DNMBP: variants seen among roughly 807,000 people sequenced by gnomAD.
The protein encoded by DNMBP is dynamin binding protein.
DNMBP carries 87 observed loss-of-function variants against 150.0 expected under a neutral mutation model. That is an observed-to-expected ratio of 0.58 (90% CI 0.49 to 0.69). The LOEUF (loss-of-function observed/expected upper bound fraction) is 0.69. DNMBP is among the 30% of genes least tolerant of loss of function. The pLI is 0.00. For missense variants in DNMBP, 1,774 were observed against 1,949.0 expected (o/e 0.91, Z 1.69); for synonymous variants, 711 against 750.4 (o/e 0.95, Z 0.86).
chr10:99,997,849 A>C (rs1405803680), intron 1 of DNMBP, among the ~76,000 whole-genome samples: 2 of 146,212 alleles, frequency 1.4e-5, no homozygotes, highest in African/African-American at 5.1e-5. Context: ...AATCGCTTGA[A>C]TCCAGGAGGC....
chr10:99,969,425 C>G (rs76104036), intron 2 of DNMBP, among the ~76,000 whole-genome samples, 188 bp from the exon 3 acceptor site: 1 of 152,264 alleles, frequency 6.6e-6, no homozygotes. Flanking sequence ...GCAGGACAGA[C>G]AGAATGCAAT....
At chr10:99,996,228 T>G (rs1054625351) in intron 1 of DNMBP, among the ~76,000 whole-genome samples, 1 of 152,306 alleles carries the variant, frequency 6.6e-6, no homozygotes, top group African/African-American at 2.4e-5. Flanking sequence ...GTTGGTAAAA[T>G]TCAACCCAAA....
At chr10:99,969,011 T>C in intron 3 of DNMBP, 104 bp downstream of exon 3, 6 of 1,384,580 alleles carry the variant, frequency 4.3e-6, no homozygotes, top group Non-Finnish European at 6.0e-6. Flanking sequence ...GAGGACTCTC[T>C]AGAGGTTAAG....
At chr10:99,896,127 A>ACC (rs1360446729) in intron 10 of DNMBP, 140 bp downstream of exon 10, 3 of 864,654 alleles carry the variant, frequency 3.5e-6, no homozygotes, top group African/African-American at 1.7e-5. Flanking sequence ...CAGCAGCTGG[A>ACC]GGGCCCTGTC....
At chr10:99,973,645 T>C (rs1461911979) in intron 1 of DNMBP, among the ~76,000 whole-genome samples, 2 of 152,186 alleles carry the variant, frequency 1.3e-5, no homozygotes, top group Non-Finnish European at 2.9e-5. Context: ...TACCACAACC[T>C]GAAGAACAGC....
At chr10:99,903,319 C>T (rs550236146) in intron 6 of DNMBP, among the ~76,000 whole-genome samples, 2 of 151,862 alleles carry the variant, frequency 1.3e-5, no homozygotes, top group South Asian at 2.1e-4. Flanking sequence ...TTCATCTTCA[C>T]GGCCACTTTT....
chr10:99,985,100 G>T (rs539671906), intron 1 of DNMBP, among the ~76,000 whole-genome samples: 4 of 152,216 alleles, frequency 2.6e-5, no homozygotes, highest in South Asian at 2.1e-4. Context: ...ATCAGGAAAA[G>T]AATTTAGAAA....
intron 11 of DNMBP, among the ~76,000 whole-genome samples, chr10:99,891,281 C>T (rs1302046401): frequency 6.7e-6 from 1 of 149,802 alleles, no homozygotes; most frequent in Admixed American, 6.6e-5. Context: ...TGCAACCTCC[C>T]TGCCTGATTC....
rs536006193 is a variant in DNMBP at position 99,876,840 on chromosome 10, A to C, written c.*311T>G. ...TGCTAGAGCACAGCTTCCTGCATAC[A>C]TAGGACACTGGGCTTCTGACTGCAA... On this transcript the variant is annotated 3_prime_UTR_variant, in exon 17 of 17. Transcript: ENST00000324109. 7 of 266,362 alleles carry C rather than the reference A, an allele frequency of 2.6e-5. No individual in the cohort carries two copies. Among genetic ancestry groups the C allele is most frequent in the Non-Finnish European group, 4.9e-5 (7 of 143,482 alleles). 16.5% of individuals were successfully genotyped at this position (266,362 alleles called of 1,614,324 possible).
chr10:99,939,634 T>C (rs2040271685), intron 4 of DNMBP, among the ~76,000 whole-genome samples: 1 of 152,224 alleles, frequency 6.6e-6, no homozygotes, highest in South Asian at 2.1e-4. Flanking sequence ...TAAACCACTT[T>C]TGTAAAACTA....
Position 99,877,092 on chromosome 10 carries a change from C to CGTATGATTAA in DNMBP, c.*58_*59insTTAATCATAC. 7.2e-7 allele frequency: 1 copy of CGTATGATTAA among 1,383,412 alleles called. No homozygotes were observed. Among genetic ancestry groups the CGTATGATTAA allele is most frequent in the South Asian group, 1.7e-5 (1 of 58,388 alleles). The allele number at this position is 1,383,412 out of a possible 1,614,324, so 85.7% of individuals were successfully genotyped here. A position where few individuals can be genotyped will look rare whatever the true frequency, so the allele number is the denominator to read the frequency against. Reference sequence around the variant, plus strand: ...AGCAGGCGCCCTCTCGGTGGGCCGCCAGAACCCTCGGCGGACTGAAAGCAA... The same window carrying CGTATGATTAA: ...AGCAGGCGCCCTCTCGGTGGGCCGCCGTATGATTAAAGAACCCTCGGCGGACTGAAAGCAA... On this transcript the variant is annotated 3_prime_UTR_variant, in exon 17 of 17. Coordinates refer to ENST00000324109, the MANE Select transcript of DNMBP (RefSeq NM_015221.4).
At chr10:99,932,819 C>A (rs1209574058) in intron 4 of DNMBP, among the ~76,000 whole-genome samples, 2 of 147,648 alleles carry the variant, frequency 1.4e-5, no homozygotes, top group Non-Finnish European at 3.0e-5. Context: ...CTTGCTCGTG[C>A]AGGAGTTCCT....
At chr10:99,899,777 A>C (rs1236201834) in intron 7 of DNMBP, 142 bp downstream of exon 7, 7 of 975,168 alleles carry the variant, frequency 7.2e-6, no homozygotes, top group Non-Finnish European at 9.6e-6. Flanking sequence ...ACAAAAATAC[A>C]ATCAGGAAAC....
intron 1 of DNMBP, among the ~76,000 whole-genome samples, chr10:99,998,395 T>C (rs2040974574): frequency 6.6e-6 from 1 of 151,834 alleles, no homozygotes; most frequent in African/African-American, 2.4e-5. Flanking sequence ...CTGGGCAACA[T>C]GGTGAAACCC....
In DNMBP at chr10:99,896,256, G is replaced by A. The variant is rs747385863; in HGVS notation, c.3051+11C>T. The A allele has an allele frequency of 6.2e-7, 1 of 1,613,596 alleles. No individual in the cohort carries two copies. Among genetic ancestry groups the A allele is most frequent in the Admixed American group, 1.7e-5 (1 of 59,996 alleles). On this transcript the variant is annotated intron_variant, in intron 10 of 16. Coordinates refer to ENST00000324109, the MANE Select transcript of DNMBP (RefSeq NM_015221.4). ...AAAGATGCGCTAAGCCTTCCAGGAT[G>A]GGGATCTCACCTGAGGAGCAAAGCC...
intron 1 of DNMBP, among the ~76,000 whole-genome samples, chr10:99,983,767 T>C (rs1446365290): frequency 6.6e-6 from 1 of 152,134 alleles, no homozygotes; most frequent in Non-Finnish European, 1.5e-5. Context: ...GAAACTAGGG[T>C]AGGAAAGTAA....
intron 1 of DNMBP, among the ~76,000 whole-genome samples, chr10:99,979,591 C>T (rs940485600): frequency 2.8e-4 from 42 of 152,274 alleles, no homozygotes; most frequent in Non-Finnish European, 3.1e-4. Flanking sequence ...GTTCTGAGGA[C>T]GCTAATCTTT....
At chr10:100,005,787 A>AAAC (rs2041064359) in intron 1 of DNMBP, among the ~76,000 whole-genome samples, 1 of 115,928 alleles carries the variant, frequency 8.6e-6, no homozygotes, top group African/African-American at 4.2e-5. Context: ...AAAAAAAACC[A>AAAC]AACTACATAA....
At chr10:99,896,045 C>G (rs962123194) in intron 10 of DNMBP, among the ~76,000 whole-genome samples, 1 of 152,178 alleles carries the variant, frequency 6.6e-6, no homozygotes, top group African/African-American at 2.4e-5. Flanking sequence ...ATTATAAGCT[C>G]CTTAGAGGTG....
Sources: gnomAD v4.1 joint callset for allele counts (sites outside exome capture counted in the v4.1 genomes callset) on GRCh38, gnomAD v4.1.1 for gene constraint, MANE v1.5 for transcripts, NCBI Gene and HGNC (gene_info 2026-07-23, HGNC 2026-07-21) for gene names.